The following TMIGD1 variants were observed in gnomAD, a reference collection of about 807,000 sequenced individuals.
TMIGD1 encodes the protein transmembrane and immunoglobulin domain-containing protein 1.
Under a neutral mutation model 27.5 loss-of-function variants are expected in TMIGD1, and 29 were observed. The observed-to-expected ratio is 1.05, with a 90% confidence interval of 0.78 to 1.44. TMIGD1 has a LOEUF of 1.44. TMIGD1 is among the 40% of genes most tolerant of loss of function. TMIGD1 has a pLI of 0.00. For missense variants in TMIGD1, 334 were observed against 310.6 expected (o/e 1.08, Z -0.57); for synonymous variants, 109 against 110.3 (o/e 0.99, Z 0.07).
rs1433522079 is a variant in TMIGD1 at position 30,316,655 on chromosome 17, C to A, written c.*32G>T. On this transcript the variant is annotated 3_prime_UTR_variant, in exon 7 of 7. Coordinates refer to ENST00000328886, the MANE Select transcript of TMIGD1 (RefSeq NM_206832.3). ...AAATTGTGGAGGTCCTGATGCAAAA[C>A]TCTCTCTGTATTCGATGGCATCTCA... 1 of 1,611,702 alleles carries A rather than the reference C, an allele frequency of 6.2e-7. No homozygotes were observed. The highest frequency in any genetic ancestry group is 1.1e-5 in the South Asian group (1 of 90,654).
At chr17:30,321,636 C>T (rs1330204364) in intron 4 of TMIGD1, among the ~76,000 whole-genome samples, 1 of 152,146 alleles carries the variant, frequency 6.6e-6, no homozygotes, top group East Asian at 1.9e-4. Flanking sequence ...ATTAAACAAA[C>T]AGACACTACA....
Position 30,326,341 on chromosome 17 carries a change from A to G in TMIGD1, c.362-1247T>C, listed in dbSNP as rs540173718. On this transcript the variant is annotated intron_variant, in intron 3 of 6. Coordinates refer to ENST00000328886, the MANE Select transcript of TMIGD1 (RefSeq NM_206832.3). ...GTAAAAATTAGTACATTTTAGATAA[A>G]GCTAAGATCCAAGCTGGTCACTTCC... Among the ~76,000 whole-genome samples the G allele has an allele frequency of 3.3e-5, 5 of 152,340 alleles. No individual in the cohort carries two copies. The South Asian group carries it at 1.0e-3, about 32-fold the overall frequency.
chr17:30,326,079 T>C (rs1374858511), intron 3 of TMIGD1, among the ~76,000 whole-genome samples: 1 of 152,204 alleles, frequency 6.6e-6, no homozygotes. Flanking sequence ...TAGGCTGTGT[T>C]ATTAATAACT....
At chr17:30,327,544 T>TTTTTATTTTA (rs1237730606) in intron 3 of TMIGD1, among the ~76,000 whole-genome samples, 168 of 151,906 alleles carry the variant, frequency 1.1e-3, no homozygotes, top group South Asian at 3.1e-3. Flanking sequence ...CTTAGCTGGC[T>TTTTTATTTTA]TTTTATTTTA....
intron 4 of TMIGD1, among the ~76,000 whole-genome samples, chr17:30,322,481 T>C (rs1909650757): frequency 6.6e-6 from 1 of 152,164 alleles, no homozygotes; most frequent in South Asian, 2.1e-4. Flanking sequence ...GTGACAGCTC[T>C]TACTCTATTT....
At chr17:30,332,694 C>G in intron 1 of TMIGD1, among the ~76,000 whole-genome samples, 1 of 152,194 alleles carries the variant, frequency 6.6e-6, no homozygotes, top group South Asian at 2.1e-4. Context: ...ACTATTCTCT[C>G]TCTCTCTTCC....
chr17:30,321,527 A>C (rs1383882245), intron 4 of TMIGD1, among the ~76,000 whole-genome samples: 2 of 152,202 alleles, frequency 1.3e-5, no homozygotes, highest in Non-Finnish European at 2.9e-5. Flanking sequence ...TGAGTGACTA[A>C]TGTGTGTTAT....
At chr17:30,317,487 A>G (rs1049638027) in intron 5 of TMIGD1, among the ~76,000 whole-genome samples, 1 of 152,154 alleles carries the variant, frequency 6.6e-6, no homozygotes, top group Non-Finnish European at 1.5e-5. Flanking sequence ...GGCCGAGTGC[A>G]GTGGCTCACA....
chr17:30,327,289 C>T (rs1258827616), intron 3 of TMIGD1, among the ~76,000 whole-genome samples: 4 of 152,068 alleles, frequency 2.6e-5, no homozygotes, highest in African/African-American at 9.7e-5. Flanking sequence ...TGGTGGTGCA[C>T]GCCTGTAGTC....
chr17:30,332,488 C>T (rs1910013026), intron 1 of TMIGD1, among the ~76,000 whole-genome samples: 1 of 152,198 alleles, frequency 6.6e-6, no homozygotes, highest in Non-Finnish European at 1.5e-5. Flanking sequence ...TTGTCTCATT[C>T]TCAGACAGTC....
At position 30,327,445 on chromosome 17, in the gene TMIGD1, C is replaced by T. The variant is rs1909822125; in HGVS notation, c.361+1806G>A. ...AAAAAAAAAAGTTTCGTGGAATAAG[C>T]ACTTAAGCACTAGGTTAGAAGCTTG... On this transcript the variant is annotated intron_variant, in intron 3 of 6. Transcript: ENST00000328886. Among the ~76,000 whole-genome samples, 3 of 151,828 alleles carry T rather than the reference C, an allele frequency of 2.0e-5. No individual in the cohort carries two copies. The South Asian group carries it at 6.2e-4, about 31-fold the overall frequency.
At chr17:30,333,712 A>G (rs1910058329) in intron 1 of TMIGD1, among the ~76,000 whole-genome samples, 1 of 152,116 alleles carries the variant, frequency 6.6e-6, no homozygotes, top group Admixed American at 6.5e-5. Context: ...TGTAATTTTA[A>G]ATATTTGCCA....
At chr17:30,317,995 G>A (rs1442420585) in intron 5 of TMIGD1, among the ~76,000 whole-genome samples, 1 of 151,978 alleles carries the variant, frequency 6.6e-6, no homozygotes, top group African/African-American at 2.4e-5. Context: ...TTGAGCCCAG[G>A]AGGTTGAGGC....
chr17:30,329,275 C>T lies in TMIGD1; in HGVS notation c.337G>A (p.Val113Ile), dbSNP rs748902182. Residue 113 changes from valine (V) to isoleucine (I), a missense_variant, in exon 3 of 7, where the codon GTT becomes ATT. Physicochemically the swap from Val to Ile is conservative, Grantham distance 29. Coordinates refer to ENST00000328886, the MANE Select transcript of TMIGD1 (RefSeq NM_206832.3). ...CRLGRDQSVSVSVVLNVTFPP... is the reference protein window; with the variant it reads ...CRLGRDQSVSISVVLNVTFPP... ...CAAGTAACATTCAGCACCACCGAAA[C>T]GGACACGGACTGATCCCTCCCCAGC... 1.3e-5 allele frequency: 21 copies of T among 1,613,716 alleles called. No homozygotes were observed. In the Middle Eastern group the frequency reaches 1.3e-3, roughly 102 times the overall value.
chr17:30,323,343 GAA>G (rs1909679889), intron 4 of TMIGD1, among the ~76,000 whole-genome samples: 1 of 152,242 alleles, frequency 6.6e-6, no homozygotes, highest in East Asian at 1.9e-4. Context: ...TTGTGCTCAA[GAA>G]AAGATCTGTG....
chr17:30,316,942 C>T (rs1909434421), intron 6 of TMIGD1: 3 of 624,026 alleles, frequency 4.8e-6, no homozygotes, highest in African/African-American at 1.8e-5. Flanking sequence ...CAATAAAATG[C>T]AGTTGCACAA....
At chr17:30,316,995 A>C (rs888169371) in intron 6 of TMIGD1, 198 bp downstream of exon 6, 21 of 658,868 alleles carry the variant, frequency 3.2e-5, no homozygotes, top group Non-Finnish European at 4.8e-5. Context: ...GCTTAGGACT[A>C]AAGGTGTTCT....
chr17:30,331,139 G>C (rs1251711949), intron 2 of TMIGD1, among the ~76,000 whole-genome samples: 1 of 152,156 alleles, frequency 6.6e-6, no homozygotes, highest in Admixed American at 6.5e-5. Context: ...AGGTTGCAGT[G>C]AGCCAAGATC....
chr17:30,319,778 C>A (rs918923551), intron 4 of TMIGD1, among the ~76,000 whole-genome samples: 8 of 151,754 alleles, frequency 5.3e-5, no homozygotes, highest in African/African-American at 1.9e-4. Flanking sequence ...CAGTGGGGAG[C>A]CTTGTACCTG....
Sources: allele counts gnomAD v4.1 joint callset (sites outside exome capture counted in the v4.1 genomes callset), GRCh38; gene constraint gnomAD v4.1.1; transcripts MANE v1.5; gene names NCBI Gene and HGNC (gene_info 2026-07-23, HGNC 2026-07-21).